The following UTP25 variants were observed in gnomAD, a reference collection of about 807,000 sequenced individuals.
The protein encoded by UTP25 is U3 small nucleolar RNA-associated protein 25 homolog.
In UTP25, 50 loss-of-function variants were observed where a neutral mutation model predicts 78.9. That is an observed-to-expected ratio of 0.63 (90% CI 0.50 to 0.80). UTP25 has a LOEUF of 0.80. Ranked by LOEUF, UTP25 falls within the 30% of genes least tolerant of loss-of-function variation. The pLI, the probability that UTP25 is intolerant of heterozygous loss-of-function variation, is 0.00. For missense variants in UTP25, 846 were observed against 911.3 expected (o/e 0.93, Z 0.92); for synonymous variants, 329 against 336.5 (o/e 0.98, Z 0.24).
chr1:209,828,030 A>C lies in UTP25; in HGVS notation c.-34A>C. ...GACAACTTCCTGGTGGAAAACCGCG[A>C]CTCTTGCAAGTGGGCAAACTTGACG... On this transcript the variant is annotated 5_prime_UTR_variant, in exon 1 of 12. Transcript: ENST00000491415. 6.4e-7 allele frequency: 1 copy of C among 1,565,940 alleles called. No individual in the cohort carries two copies. The highest frequency in any genetic ancestry group is 1.1e-5 in the South Asian group (1 of 90,068).
Position 209,851,542 on chromosome 1 carries a change from T to C in UTP25, c.*95T>C. On this transcript the variant is annotated 3_prime_UTR_variant, in exon 12 of 12. Coordinates refer to ENST00000491415, the MANE Select transcript of UTP25 (RefSeq NM_014388.7). ...TTCTGATTACTTACAGAAGAAGGAC[T>C]GATACAAAGAAAGTGCATGAGGCAA... 1 of 1,455,920 alleles carries C rather than the reference T, an allele frequency of 6.9e-7. No individual in the cohort carries two copies. The highest frequency in any genetic ancestry group is 9.2e-7 in the Non-Finnish European group (1 of 1,087,018). 90.2% of individuals were successfully genotyped at this position (1,455,920 alleles called of 1,614,324 possible).
chr1:209,829,985 T>C (rs2078093654), intron 1 of UTP25, 123 bp from the exon 2 acceptor site: 3 of 805,862 alleles, frequency 3.7e-6, no homozygotes, highest in African/African-American at 1.8e-5. Context: ...AATTTTTGCA[T>C]GACTATATCT....
intron 11 of UTP25, among the ~76,000 whole-genome samples, chr1:209,849,998 C>G (rs1409845224): frequency 6.6e-6 from 1 of 152,174 alleles, no homozygotes; most frequent in African/African-American, 2.4e-5. Flanking sequence ...ACTGACAAAT[C>G]CTTCAAATTA....
chr1:209,845,128 C>A (rs7511996), intron 11 of UTP25, among the ~76,000 whole-genome samples: 26,115 of 152,228 alleles, frequency 0.17, 2,514 homozygotes, highest in African/African-American at 0.25. Flanking sequence ...GGGAGGGAGG[C>A]GTCCCAGCAG....
Position 209,842,446 on chromosome 1 carries a change from A to C in UTP25, c.1667A>C (p.Gln556Pro). ...FNKYCVNMQG[Q>P]VAVRNVPMTG... ...AAGTACTGTGTCAACATGCAAGGCC[A>C]GGTGGGTTCTCGTCTTGTTTCCTCA... The change falls in exon 9 of 12, where the codon CAG (glutamine) becomes CCG (proline). Residue 556 changes from glutamine (Q) to proline (P), a missense_variant and splice_region_variant. Gln to Pro is a moderately conservative substitution (Grantham distance 76). Transcript: ENST00000491415. 6.2e-7 allele frequency: 1 copy of C among 1,614,162 alleles called. No homozygotes were observed. The highest frequency in any genetic ancestry group is 8.5e-7 in the Non-Finnish European group (1 of 1,179,994).
intron 5 of UTP25, among the ~76,000 whole-genome samples, chr1:209,836,191 A>G (rs1191214918): frequency 1.3e-5 from 2 of 152,118 alleles, no homozygotes; most frequent in Non-Finnish European, 2.9e-5. Context: ...CTGGAGAGTC[A>G]TCCAAGTTAT....
Position 209,855,647 on chromosome 1 carries a change from ACAGT to A in UTP25, c.*4204_*4207del, listed in dbSNP as rs1364080921. 1.3e-5 allele frequency: 2 copies of A among 152,338 alleles called. No homozygotes were observed. Among genetic ancestry groups the A allele is most frequent in the Non-Finnish European group, 2.9e-5 (2 of 68,204 alleles). 9.4% of individuals were successfully genotyped at this position (152,338 alleles called of 1,614,324 possible). A position where few individuals can be genotyped will look rare whatever the true frequency, so the allele number is the denominator to read the frequency against. On this transcript the variant is annotated 3_prime_UTR_variant, in exon 12 of 12. Transcript: ENST00000491415. The stretch of plus-strand genomic sequence containing the variant: ...TTGCTTGTTCTCCTGATGGCCCCTC[ACAGT>A]CAGGTGTGGGATGGCACATTTCTAG...
At chr1:209,840,557 C>T (rs1014061993) in intron 7 of UTP25, among the ~76,000 whole-genome samples, 1 of 152,008 alleles carries the variant, frequency 6.6e-6, no homozygotes, top group Non-Finnish European at 1.5e-5. Context: ...AATCAGAGGC[C>T]GGATTGCAGT....
chr1:209,843,042 G>A (rs1201053758), intron 10 of UTP25: 1 of 325,638 alleles, frequency 3.1e-6, no homozygotes, highest in Non-Finnish European at 5.7e-6. Flanking sequence ...TTTTCTAATT[G>A]TATAATTTCC....
In UTP25 at chr1:209,835,846, C is replaced by T. The variant is rs375747052; in HGVS notation, c.651+683C>T. 2.2e-3 allele frequency among the ~76,000 whole-genome samples: 335 copies of T among 152,302 alleles called. 4 individuals are homozygous for T. Among genetic ancestry groups the T allele is most frequent in the African/African-American group, 7.8e-3 (323 of 41,568 alleles). ...TATAATGTCACAGCCAGGAAACTGA[C>T]ATTGATATAATCTACCAGTCTTACT... is the stretch of plus-strand genomic sequence containing the variant. On this transcript the variant is annotated intron_variant, in intron 5 of 11. Coordinates refer to ENST00000491415, the MANE Select transcript of UTP25 (RefSeq NM_014388.7).
Position 209,842,342 on chromosome 1 carries a change from C to T in UTP25, c.1563C>T (p.Leu521=). Reference sequence around the variant, plus strand: ...TTTCTCGAGTGCGGATGTGGAGCCTCAATAATTGGTCCAAGTACTATCGCC... The same window carrying T: ...TTTCTCGAGTGCGGATGTGGAGCCTTAATAATTGGTCCAAGTACTATCGCC... ...VDFSRVRMWS[L]NNWSKYYRQT... The change falls in exon 9 of 12, where the codon CTC becomes CTT. Residue 521 remains leucine, a synonymous_variant. Transcript: ENST00000491415. 1 of 1,614,128 alleles carries T rather than the reference C, an allele frequency of 6.2e-7. No individual in the cohort carries two copies. The highest frequency in any genetic ancestry group is 8.5e-7 in the Non-Finnish European group (1 of 1,179,986).
rs747726754 is a variant in UTP25 at position 209,839,008 on chromosome 1, A to C, written c.1162A>C (p.Asn388His). 1 of 1,614,136 alleles carries C rather than the reference A, an allele frequency of 6.2e-7. No individual in the cohort carries two copies. Among genetic ancestry groups the C allele is most frequent in the Non-Finnish European group, 8.5e-7 (1 of 1,179,988 alleles). Reference protein sequence around the residue: ...GDSKKKIIVSNKKRFQGEYGS... With the variant: ...GDSKKKIIVSHKKRFQGEYGS... ...CAGCAAGAAGAAAATCATTGTGAGC[A>C]ACAAAAAGAGGTTTCAGGGAGAATA... Residue 388 changes from asparagine (N) to histidine (H), a missense_variant, in exon 7 of 12, where the codon AAC becomes CAC. Physicochemically the swap from Asn to His is moderately conservative, Grantham distance 68 (BLOSUM62 1). Transcript: ENST00000491415.
intron 11 of UTP25, among the ~76,000 whole-genome samples, chr1:209,847,986 G>A (rs1572008549): frequency 6.6e-6 from 1 of 152,150 alleles, no homozygotes; most frequent in East Asian, 1.9e-4. Flanking sequence ...CTGGTTTCCT[G>A]CAGTATGTCT....
Position 209,828,003 on chromosome 1 carries a change from T to G in UTP25, c.-61T>G. 3.7e-6 allele frequency: 5 copies of G among 1,366,190 alleles called. No homozygotes were observed. Among genetic ancestry groups the G allele is most frequent in the Non-Finnish European group, 5.2e-6 (5 of 954,488 alleles). 84.6% of individuals were successfully genotyped at this position (1,366,190 alleles called of 1,614,324 possible). On this transcript the variant is annotated 5_prime_UTR_variant, in exon 1 of 12. Coordinates refer to ENST00000491415, the MANE Select transcript of UTP25 (RefSeq NM_014388.7). The stretch of plus-strand genomic sequence containing the variant: ...AGCGAGCCCACGTGCTTGTGTTGAC[T>G]GGACAACTTCCTGGTGGAAAACCGC...
At position 209,851,501 on chromosome 1, in the gene UTP25, T is replaced by A; in HGVS notation, c.*54T>A. ...GCATGATACATAATGTTTGATTCTA[T>A]GCCATTTGGACCCAATTCTGATTAC... On this transcript the variant is annotated 3_prime_UTR_variant, in exon 12 of 12. Transcript: ENST00000491415. 1 of 1,537,908 alleles carries A rather than the reference T, an allele frequency of 6.5e-7. No individual in the cohort carries two copies. The highest frequency in any genetic ancestry group is 1.3e-5 in the South Asian group (1 of 77,342).
chr1:209,830,747 G>A, intron 2 of UTP25, 56 bp from the exon 3 acceptor site: 5 of 1,568,154 alleles, frequency 3.2e-6, no homozygotes, highest in African/African-American at 1.4e-5. Context: ...GATAGTTTTA[G>A]GGTAACAATA....
intron 4 of UTP25, 80 bp from the exon 5 acceptor site, chr1:209,834,995 C>A: frequency 9.1e-7 from 1 of 1,101,886 alleles, no homozygotes; most frequent in East Asian, 2.5e-5. Context: ...CAATGAAGAT[C>A]AACATGTCTT....
chr1:209,838,211 C>T (rs538371640), intron 6 of UTP25, among the ~76,000 whole-genome samples: 4 of 152,288 alleles, frequency 2.6e-5, no homozygotes, highest in Admixed American at 2.0e-4. Context: ...TGGTGAATTA[C>T]GTGATTTAAC....
rs373029665 is a variant in UTP25, at chr1:209,830,049, C to T, written c.108-59C>T. ...CTTTTTCATTTAACATCTCATTTGA[C>T]CTTTTCCTAATTTCTACATACTAGT... On this transcript the variant is annotated intron_variant, in intron 1 of 11. Coordinates refer to ENST00000491415, the MANE Select transcript of UTP25 (RefSeq NM_014388.7). 24 of 1,460,976 alleles carry T rather than the reference C, an allele frequency of 1.6e-5. No homozygotes were observed. In the African/African-American group the frequency reaches 3.3e-4, roughly 20 times the overall value. 90.5% of individuals were successfully genotyped at this position (1,460,976 alleles called of 1,614,324 possible). A position where few individuals can be genotyped will look rare whatever the true frequency, so the allele number is the denominator to read the frequency against.
Sources: gnomAD v4.1 joint callset for allele counts (sites outside exome capture counted in the v4.1 genomes callset) on GRCh38, gnomAD v4.1.1 for gene constraint, MANE v1.5 for transcripts, NCBI Gene and HGNC (gene_info 2026-07-23, HGNC 2026-07-21) for gene names.